UNC13B: variants seen among roughly 807,000 people sequenced by gnomAD.
The protein encoded by UNC13B is protein unc-13 homolog B.
UNC13B carries 144 observed loss-of-function variants against 211.0 expected under a neutral mutation model. The observed-to-expected ratio is 0.68, with a 90% CI of 0.60 to 0.78. The LOEUF (loss-of-function observed/expected upper bound fraction) is 0.78, where lower values mean the gene tolerates loss of function less well. Among genes scored for constraint, UNC13B ranks in the 30% least tolerant of loss-of-function variants. UNC13B has a pLI of 0.00. For synonymous variants in UNC13B, 709 were observed against 725.8 expected (o/e 0.98, Z 0.37); for missense variants, 1,777 against 2,002.0 (o/e 0.89, Z 2.14).
chr9:35,386,367 G>A, intron 24 of UNC13B, 74 bp downstream of exon 24: 1 of 1,593,330 alleles, frequency 6.3e-7, no homozygotes, highest in Non-Finnish European at 8.6e-7. Flanking sequence ...CATGATGGTG[G>A]TGGAAAAGCA....
intron 26 of UNC13B, 89 bp from the exon 27 acceptor site, chr9:35,396,387 C>T: frequency 6.5e-7 from 1 of 1,538,706 alleles, no homozygotes; most frequent in Non-Finnish European, 8.9e-7. Context: ...TCTGATGGAG[C>T]TGCCTGACCA....
chr9:35,306,726 A>G lies in UNC13B; in HGVS notation c.7322A>G (p.Asp2441Gly), dbSNP rs1192984382. ...TGTGCAGGGAACCTTCAGAACCAAGATGCAGATAAAGAGGAAGACAAATTT... is the reference window on the plus strand; with the variant it reads ...TGTGCAGGGAACCTTCAGAACCAAGGTGCAGATAAAGAGGAAGACAAATTT... The part of the protein sequence containing the change: ...PGCAGNLQNQ[D>G]ADKEEDKFAL... Residue 2441 changes from aspartate (D) to glycine (G), a missense_variant, in exon 9 of 40, where the codon GAT becomes GGT. Coordinates refer to ENST00000635942, the MANE Select transcript of UNC13B (RefSeq NM_001371189.2). 2.5e-6 allele frequency: 1 copy of G among 398,954 alleles called. No homozygotes were observed. The highest frequency in any genetic ancestry group is 2.1e-5 in the African/African-American group (1 of 48,640). The allele number at this position is 398,954 out of a possible 1,614,324, so 24.7% of individuals were successfully genotyped here. A position where few individuals can be genotyped will look rare whatever the true frequency, so the allele number is the denominator to read the frequency against.
chr9:35,286,565 A>T (rs79526472), intron 7 of UNC13B, among the ~76,000 whole-genome samples: 1 of 151,902 alleles, frequency 6.6e-6, no homozygotes, highest in African/African-American at 2.4e-5. Flanking sequence ...TGAGTTAATA[A>T]TTGATCATGC....
At chr9:35,279,700 A>G (rs539200379) in intron 7 of UNC13B, among the ~76,000 whole-genome samples, 35 of 152,380 alleles carry the variant, frequency 2.3e-4, no homozygotes, top group Admixed American at 5.9e-4. Flanking sequence ...TTGCTGGGCC[A>G]AAGCATTGTA....
chr9:35,208,316 C>T (rs927166396), intron 1 of UNC13B, among the ~76,000 whole-genome samples: 3 of 152,166 alleles, frequency 2.0e-5, no homozygotes, highest in African/African-American at 7.2e-5. Context: ...TTGGAACATT[C>T]AGTGACTCCT....
chr9:35,364,694 C>A, intron 11 of UNC13B: 1 of 1,134,986 alleles, frequency 8.8e-7, no homozygotes, highest in Non-Finnish European at 1.2e-6. Flanking sequence ...TGATCTGTGC[C>A]TCTGAGCTTT....
chr9:35,282,661 C>T (rs1828568460), intron 7 of UNC13B, among the ~76,000 whole-genome samples: 1 of 152,172 alleles, frequency 6.6e-6, no homozygotes, highest in South Asian at 2.1e-4. Flanking sequence ...TCTCGAACTC[C>T]TGACCTCAGG....
At chr9:35,337,228 G>C (rs1831716795) in intron 11 of UNC13B, among the ~76,000 whole-genome samples, 1 of 152,116 alleles carries the variant, frequency 6.6e-6, no homozygotes, top group African/African-American at 2.4e-5. Context: ...AGGTGGTTCT[G>C]GAGGAATGGA....
chr9:35,281,640 C>T (rs1220963092), intron 7 of UNC13B, among the ~76,000 whole-genome samples: 2 of 152,172 alleles, frequency 1.3e-5, no homozygotes, highest in Non-Finnish European at 2.9e-5. Context: ...TTATGGTTCT[C>T]TCTTTGTATT....
At chr9:35,309,893 A>C (rs1325363688) in intron 9 of UNC13B, among the ~76,000 whole-genome samples, 2 of 152,192 alleles carry the variant, frequency 1.3e-5, no homozygotes, top group Non-Finnish European at 2.9e-5. Flanking sequence ...TCTATCTTCC[A>C]ATGGGTTCTA....
chr9:35,330,436 A>G (rs944520551), intron 11 of UNC13B, among the ~76,000 whole-genome samples: 1 of 152,176 alleles, frequency 6.6e-6, no homozygotes, highest in African/African-American at 2.4e-5. Context: ...ATGCCATAGG[A>G]TTTCAGGCTG....
In UNC13B at chr9:35,236,488, C is replaced by A. The variant is rs370292765; in HGVS notation, c.172C>A (p.Leu58Met). 1.7e-5 allele frequency: 27 copies of A among 1,613,912 alleles called. No homozygotes were observed. Among genetic ancestry groups the A allele is most frequent in the Non-Finnish European group, 2.2e-5 (26 of 1,179,950 alleles). Reference protein sequence around the residue: ...DFMFEISRLDLGLSVEVWNKG... With the variant: ...DFMFEISRLDMGLSVEVWNKG... ...CCTTAGTGAGATTAGTCGCCTGGACCTGGGTCTAAGTGTGGAGGTATGGAA... is the reference window on the plus strand; with the variant it reads ...CCTTAGTGAGATTAGTCGCCTGGACATGGGTCTAAGTGTGGAGGTATGGAA... The change falls in exon 4 of 40, where the codon CTG becomes ATG. Residue 58 changes from leucine to methionine, a missense_variant. Physicochemically the swap from Leu to Met is conservative, Grantham distance 15 (BLOSUM62 2). Transcript: ENST00000635942.
chr9:35,195,951 A>G (rs897688049), intron 1 of UNC13B, among the ~76,000 whole-genome samples: 3 of 152,242 alleles, frequency 2.0e-5, no homozygotes, highest in African/African-American at 7.2e-5. Context: ...CAAATTAATT[A>G]TTGTAACCAT....
At chr9:35,313,276 T>G (rs1270911630) in intron 10 of UNC13B, among the ~76,000 whole-genome samples, 1 of 152,128 alleles carries the variant, frequency 6.6e-6, no homozygotes, top group Non-Finnish European at 1.5e-5. Context: ...GATGAATTAT[T>G]TTCACATTGA....
intron 3 of UNC13B, among the ~76,000 whole-genome samples, chr9:35,234,514 C>T (rs1825384787): frequency 6.6e-6 from 1 of 152,148 alleles, no homozygotes; most frequent in South Asian, 2.1e-4. Context: ...GTTAATTAGG[C>T]TGAATTAAAT....
intron 15 of UNC13B, among the ~76,000 whole-genome samples, chr9:35,377,238 A>G (rs959234312): frequency 3.9e-5 from 6 of 152,220 alleles, no homozygotes; most frequent in African/African-American, 1.4e-4. Flanking sequence ...AGCGGAAGAG[A>G]TGGGCTCTGA....
rs987874389 is a variant in UNC13B, at chr9:35,304,256, A to G, written c.4852A>G (p.Arg1618Gly). ...DPLDLSLALPRSEEPLYLNLE... is the reference protein window; with the variant it reads ...DPLDLSLALPGSEEPLYLNLE... ...TCTTGATTTATCTTTAGCTTTGCCA[A>G]GAAGTGAGGAACCATTGTATCTAAA... The change falls in exon 9 of 40, where the codon AGA (arginine) becomes GGA (glycine). Residue 1618 changes from arginine to glycine, a missense_variant. Arg to Gly is a moderately radical substitution (Grantham distance 125). Transcript: ENST00000635942. The G allele has an allele frequency of 1.0e-5, 4 of 398,730 alleles. No individual in the cohort carries two copies. Among genetic ancestry groups the G allele is most frequent in the Non-Finnish European group, 1.8e-5 (4 of 225,940 alleles). The allele number at this position is 398,730 out of a possible 1,614,324, so 24.7% of individuals were successfully genotyped here. A position where few individuals can be genotyped will look rare whatever the true frequency, so the allele number is the denominator to read the frequency against.
chr9:35,386,877 T>A (rs2132288517), intron 24 of UNC13B, among the ~76,000 whole-genome samples: 1 of 152,312 alleles, frequency 6.6e-6, no homozygotes, highest in South Asian at 2.1e-4. Context: ...TTTTCCCAGA[T>A]CCTTCTAATA....
At chr9:35,274,677 G>A (rs921308886) in intron 7 of UNC13B, among the ~76,000 whole-genome samples, 2 of 152,162 alleles carry the variant, frequency 1.3e-5, no homozygotes, top group South Asian at 4.1e-4. Flanking sequence ...ACTCTCTCCT[G>A]ATGCCCAGGT....
Sources: gnomAD v4.1 joint callset for allele counts (sites outside exome capture counted in the v4.1 genomes callset) on GRCh38, gnomAD v4.1.1 for gene constraint, MANE v1.5 for transcripts, NCBI Gene and HGNC (gene_info 2026-07-23, HGNC 2026-07-21) for gene names.